The following AKR1C1 variants were observed in gnomAD, a reference collection of about 807,000 sequenced individuals.
AKR1C1 encodes aldo-keto reductase family 1 member C1.
In AKR1C1, 32 loss-of-function variants were observed where a neutral mutation model predicts 40.6. The observed-to-expected ratio is 0.79, with a 90% CI of 0.60 to 1.06. AKR1C1 has a LOEUF of 1.06. Ranked by LOEUF, AKR1C1 falls within the 50% of genes least tolerant of loss-of-function variation. AKR1C1 has a pLI of 0.00. For missense variants in AKR1C1, 320 were observed against 363.5 expected, an observed-to-expected ratio of 0.88 and a Z score of 0.97; for synonymous variants, 105 against 134.2, an observed-to-expected ratio of 0.78 and a Z score of 1.50.
chr10:4,963,749 C>T lies in AKR1C1; in HGVS notation c.84+221C>T. Reference sequence around the variant, plus strand: ...ATTTCACAGCTTGTCAGAGTCTATACAACTCAGCAGAAAGAACACGGCTTG... The same window carrying T: ...ATTTCACAGCTTGTCAGAGTCTATATAACTCAGCAGAAAGAACACGGCTTG... On this transcript the variant is annotated intron_variant, in intron 1 of 8. Coordinates refer to ENST00000380872, the MANE Select transcript of AKR1C1 (RefSeq NM_001353.6). 5 of 710,436 alleles carry T rather than the reference C, an allele frequency of 7.0e-6. 1 individual carries two copies. Among genetic ancestry groups the T allele is most frequent in the South Asian group, 4.5e-5 (3 of 67,066 alleles). 44.0% of individuals were successfully genotyped at this position (710,436 alleles called of 1,614,324 possible).
rs201114964 is a variant in AKR1C1, at chr10:4,966,025, C to A, written c.196C>A (p.Arg66=). 9.3e-6 allele frequency: 15 copies of A among 1,614,138 alleles called. No individual in the cohort carries two copies. The highest frequency in any genetic ancestry group is 1.6e-4 in the Middle Eastern group (1 of 6,062). The change falls in exon 2 of 9, where the codon CGA becomes AGA. Residue 66 remains arginine, a synonymous_variant. Coordinates refer to ENST00000380872, the MANE Select transcript of AKR1C1 (RefSeq NM_001353.6). ...TGAGGAGCAGGTTGGACTGGCCATC[C>A]GAAGCAAGATTGCAGATGGCAGTGT... The part of the protein sequence containing the change: ...NNEEQVGLAI[R]SKIADGSVKR...
intron 1 of AKR1C1, chr10:4,963,981 C>G (rs1836289229): frequency 2.7e-6 from 2 of 745,456 alleles, no homozygotes; most frequent in Admixed American, 1.9e-5. Context: ...AATACTAGAC[C>G]TGGCCTAAAG....
chr10:4,965,986 C>T lies in AKR1C1; in HGVS notation c.157C>T (p.His53Tyr). Reference sequence around the variant, plus strand: ...TGGCTTCCGCCATATTGATTCTGCTCATTTATACAATAATGAGGAGCAGGT... The same window carrying T: ...TGGCTTCCGCCATATTGATTCTGCTTATTTATACAATAATGAGGAGCAGGT... Reference protein sequence around the residue: ...EAGFRHIDSAHLYNNEEQVGL... With the variant: ...EAGFRHIDSAYLYNNEEQVGL... Residue 53 changes from histidine (H) to tyrosine (Y), a missense_variant, in exon 2 of 9, where the codon CAT (histidine) becomes TAT (tyrosine). His to Tyr is a moderately conservative substitution (Grantham distance 83). Transcript: ENST00000380872. 1 of 1,614,210 alleles carries T rather than the reference C, an allele frequency of 6.2e-7. No homozygotes were observed. Among genetic ancestry groups the T allele is most frequent in the Non-Finnish European group, 8.5e-7 (1 of 1,180,032 alleles).
chr10:4,974,827 C>G (rs1836500952), intron 7 of AKR1C1, among the ~76,000 whole-genome samples: 2 of 152,164 alleles, frequency 1.3e-5, no homozygotes. Context: ...CAGTATGGTA[C>G]AAATATTTTT....
Position 4,964,130 on chromosome 10 carries a change from G to A in AKR1C1, c.84+602G>A, listed in dbSNP as rs191198301. ...TTCTTTGTTAATATGGGTCAAATTT[G>A]TATCAAAATATTGTAACAGAAAAAT... On this transcript the variant is annotated intron_variant, in intron 1 of 8. Transcript: ENST00000380872. 2.5e-3 allele frequency among the ~76,000 whole-genome samples: 374 copies of A among 152,086 alleles called. 1 individual carries two copies. The highest frequency in any genetic ancestry group is 8.7e-3 in the African/African-American group (360 of 41,500).
intron 5 of AKR1C1, 123 bp downstream of exon 5, chr10:4,969,067 C>G: frequency 4.5e-6 from 7 of 1,557,496 alleles, no homozygotes; most frequent in Non-Finnish European, 6.1e-6. Flanking sequence ...AGAGCAAAGA[C>G]TCTGTCTCGA....
At chr10:4,969,654 C>A (rs776402224) in intron 5 of AKR1C1, 1 of 1,608,386 alleles carries the variant, frequency 6.2e-7, no homozygotes, top group South Asian at 1.1e-5. Context: ...CACATCTATT[C>A]TCTATGTGTT....
intron 7 of AKR1C1, among the ~76,000 whole-genome samples, chr10:4,973,971 A>G (rs1232599417): frequency 6.6e-6 from 1 of 151,402 alleles, no homozygotes; most frequent in Non-Finnish European, 1.5e-5. Flanking sequence ...TATATCATGT[A>G]TATGTATATG....
At chr10:4,963,734 T>G in intron 1 of AKR1C1, 1 of 746,856 alleles carries the variant, frequency 1.3e-6, no homozygotes, top group Non-Finnish European at 2.5e-6. Flanking sequence ...ATTTCACAGC[T>G]TGTCAGAGTC....
At chr10:4,967,218 T>C in intron 3 of AKR1C1, 175 bp downstream of exon 3, 1 of 990,446 alleles carries the variant, frequency 1.0e-6, no homozygotes, top group Non-Finnish European at 1.4e-6. Context: ...AATCCATACT[T>C]CCGTGATTGC....
At position 4,972,895 on chromosome 10, in the gene AKR1C1, T is replaced by A. The variant is rs1345333151; in HGVS notation, c.846+146T>A. 7.6e-6 allele frequency: 11 copies of A among 1,441,090 alleles called. No homozygotes were observed. In the African/African-American group the frequency reaches 1.4e-4, roughly 19 times the overall value. 89.3% of individuals were successfully genotyped at this position (1,441,090 alleles called of 1,614,324 possible). ...ACTCTTTGTGTACGTCATAAGGGTTTCTTCTACTCTAGCACAGGAGAGGCA... is the reference window on the plus strand; with the variant it reads ...ACTCTTTGTGTACGTCATAAGGGTTACTTCTACTCTAGCACAGGAGAGGCA... On this transcript the variant is annotated intron_variant, in intron 7 of 8. Transcript: ENST00000380872.
At position 4,972,198 on chromosome 10, in the gene AKR1C1, C is replaced by A; in HGVS notation, c.571-3C>A. On this transcript the variant is annotated splice_polypyrimidine_tract_variant and splice_region_variant and intron_variant, in intron 5 of 8. Coordinates refer to ENST00000380872, the MANE Select transcript of AKR1C1 (RefSeq NM_001353.6). The stretch of plus-strand genomic sequence containing the variant: ...GATGCTTTTCCATCTTGCTCGTCTG[C>A]AGGTGGAATGTCATCCTTACTTCAA... 6 of 1,613,500 alleles carry A rather than the reference C, an allele frequency of 3.7e-6. No individual in the cohort carries two copies. The South Asian group carries it at 6.6e-5, about 18-fold the overall frequency.
rs112788035 is a variant in AKR1C1 at position 4,982,918 on chromosome 10, C to G, written c.*5176C>G. On this transcript the variant is annotated 3_prime_UTR_variant, in exon 9 of 9. Transcript: ENST00000380872. ...AGAGGTCTTGAGTCGGTCCGCATGA[C>G]AAGTTCACCGCTCGCATAACCAGCA... 5 of 449,386 alleles carry G rather than the reference C, an allele frequency of 1.1e-5. No homozygotes were observed. Among genetic ancestry groups the G allele is most frequent in the African/African-American group, 1.0e-4 (5 of 50,044 alleles). 27.8% of individuals were successfully genotyped at this position (449,386 alleles called of 1,614,324 possible).
Position 4,978,456 on chromosome 10 carries a change from T to A in AKR1C1, c.*714T>A, listed in dbSNP as rs1836562210. 1.3e-5 allele frequency: 2 copies of A among 151,950 alleles called. No individual in the cohort carries two copies. Among genetic ancestry groups the A allele is most frequent in the South Asian group, 2.1e-4 (1 of 4,812 alleles). 9.4% of individuals were successfully genotyped at this position (151,950 alleles called of 1,614,324 possible). A position where few individuals can be genotyped will look rare whatever the true frequency, so the allele number is the denominator to read the frequency against. ...TGCTCATAAAAGAAAACTTTCCACA[T>A]TGTTTTAACAAACCCCACAGCTGAG... On this transcript the variant is annotated 3_prime_UTR_variant, in exon 9 of 9. Coordinates refer to ENST00000380872, the MANE Select transcript of AKR1C1 (RefSeq NM_001353.6).
At chr10:4,977,391 T>A (rs1836542753) in intron 8 of AKR1C1, among the ~76,000 whole-genome samples, 1 of 152,236 alleles carries the variant, frequency 6.6e-6, no homozygotes, top group Admixed American at 6.5e-5. Flanking sequence ...ACTGAGAATT[T>A]GAAATAGAAA....
chr10:4,974,861 ATATCT>A (rs1836501537), intron 7 of AKR1C1, among the ~76,000 whole-genome samples: 1 of 152,042 alleles, frequency 6.6e-6, no homozygotes, highest in Non-Finnish European at 1.5e-5. Context: ...TTATTTAATA[ATATCT>A]TAGCTATTCT....
At chr10:4,974,720 T>C (rs1216479791) in intron 7 of AKR1C1, among the ~76,000 whole-genome samples, 9 of 152,122 alleles carry the variant, frequency 5.9e-5, no homozygotes, top group Admixed American at 5.9e-4. Flanking sequence ...CTGTAACATA[T>C]ATGAAATGTC....
At position 4,972,894 on chromosome 10, in the gene AKR1C1, T is replaced by G. The variant is rs528228515; in HGVS notation, c.846+145T>G. 48 of 1,442,624 alleles carry G rather than the reference T, an allele frequency of 3.3e-5. No individual in the cohort carries two copies. The African/African-American group carries it at 6.0e-4, about 18-fold the overall frequency. The allele number at this position is 1,442,624 out of a possible 1,614,324, so 89.4% of individuals were successfully genotyped here. A position where few individuals can be genotyped will look rare whatever the true frequency, so the allele number is the denominator to read the frequency against. On this transcript the variant is annotated intron_variant, in intron 7 of 8. Coordinates refer to ENST00000380872, the MANE Select transcript of AKR1C1 (RefSeq NM_001353.6). ...AACTCTTTGTGTACGTCATAAGGGT[T>G]TCTTCTACTCTAGCACAGGAGAGGC...
At chr10:4,967,197 G>A (rs181569768) in intron 3 of AKR1C1, 154 bp downstream of exon 3, 433 of 981,018 alleles carry the variant, frequency 4.4e-4, no homozygotes, top group Admixed American at 8.1e-4. Context: ...CTTTCTATGG[G>A]ATACATTTTG....
Sources: gnomAD v4.1 joint callset for allele counts (sites outside exome capture counted in the v4.1 genomes callset) on GRCh38, gnomAD v4.1.1 for gene constraint, MANE v1.5 for transcripts, NCBI Gene and HGNC (gene_info 2026-07-23, HGNC 2026-07-21) for gene names.